Variants in DGKE observed in about 807,000 individuals in gnomAD.
The protein encoded by DGKE is diacylglycerol kinase epsilon.
Under a neutral mutation model 70.0 loss-of-function variants are expected in DGKE, and 53 were observed. The observed-to-expected ratio is 0.76, with a 90% CI of 0.61 to 0.95. The LOEUF is 0.95. DGKE is among the 40% of genes least tolerant of loss of function. The probability of loss-of-function intolerance (pLI) is 0.00; values close to 1 mark genes in which losing one functional copy is unlikely to be tolerated. For synonymous variants in DGKE, 291 were observed against 257.0 expected, an observed-to-expected ratio of 1.13 and a Z score of -1.27; for missense variants, 655 against 706.9, an observed-to-expected ratio of 0.93 and a Z score of 0.83.
chr17:56,840,043 A>G (rs1906872061), intron 2 of DGKE, among the ~76,000 whole-genome samples: 1 of 152,070 alleles, frequency 6.6e-6, no homozygotes, highest in Non-Finnish European at 1.5e-5. Context: ...GCATGCCTGT[A>G]ATCCCAGCTA....
At chr17:56,852,005 C>A (rs1382300542) in intron 7 of DGKE, among the ~76,000 whole-genome samples, 1 of 151,984 alleles carries the variant, frequency 6.6e-6, no homozygotes, top group Non-Finnish European at 1.5e-5. Context: ...GAGTTCAAGG[C>A]TGCGGTGAGC....
At chr17:56,860,172 CATT>C (rs1402370704) in intron 9 of DGKE, among the ~76,000 whole-genome samples, 2 of 151,980 alleles carry the variant, frequency 1.3e-5, no homozygotes, top group Non-Finnish European at 1.5e-5. Flanking sequence ...ACAAAATAGT[CATT>C]GTCCTCGATA....
At chr17:56,848,123 T>TAC in intron 5 of DGKE, 58 bp downstream of exon 5, 1 of 910,164 alleles carries the variant, frequency 1.1e-6, no homozygotes, top group Non-Finnish European at 1.4e-6. Flanking sequence ...ACTATACATA[T>TAC]ATATATATAT....
At chr17:56,835,411 A>G (rs916130603) in intron 2 of DGKE, 152 bp downstream of exon 2, 6 of 820,242 alleles carry the variant, frequency 7.3e-6, no homozygotes, top group Non-Finnish European at 1.1e-5. Context: ...AGTTTGTGCA[A>G]GCGTGGCAGC....
chr17:56,848,060 A>G lies in DGKE; in HGVS notation c.883A>G (p.Ile295Val), dbSNP rs773222196. The G allele has an allele frequency of 1.9e-6, 3 of 1,556,604 alleles. No individual in the cohort carries two copies. The highest frequency in any genetic ancestry group is 2.6e-6 in the Non-Finnish European group (3 of 1,152,560). The change falls in exon 5 of 12, where the codon ATT becomes GTT. Residue 295 changes from isoleucine to valine, a missense_variant. Coordinates refer to ENST00000284061, the MANE Select transcript of DGKE (RefSeq NM_003647.3). ...WVLDAVDDMK[I>V]KGQEKYIPQV... is the part of the protein sequence containing the mutation. ...CCTGGATGCAGTTGATGACATGAAGATTAAGGTATTAGTCTTTAAGAACTA... is the reference window on the plus strand; with the variant it reads ...CCTGGATGCAGTTGATGACATGAAGGTTAAGGTATTAGTCTTTAAGAACTA...
intron 2 of DGKE, 79 bp from the exon 3 acceptor site, chr17:56,843,940 A>G: frequency 7.4e-7 from 1 of 1,357,428 alleles, no homozygotes; most frequent in Non-Finnish European, 9.9e-7. Context: ...TTTATTTTTT[A>G]ACAAAAATGA....
intron 7 of DGKE, among the ~76,000 whole-genome samples, chr17:56,854,909 G>C (rs1321660655): frequency 6.6e-6 from 1 of 152,008 alleles, no homozygotes; most frequent in Non-Finnish European, 1.5e-5. Flanking sequence ...AATCAAGTAG[G>C]GTCTGCTTAC....
intron 7 of DGKE, among the ~76,000 whole-genome samples, chr17:56,850,435 G>T (rs769884743): frequency 6.6e-5 from 10 of 152,142 alleles, no homozygotes; most frequent in Admixed American, 1.3e-4. Flanking sequence ...GCCCAGCCAT[G>T]AACTACATCT....
In DGKE at chr17:56,865,898, C is replaced by T. The variant is rs1423558847; in HGVS notation, c.*3107C>T. On this transcript the variant is annotated 3_prime_UTR_variant, in exon 12 of 12. Transcript: ENST00000284061. ...TACTAATTTAATGATTAATGTGGAC[C>T]CAAATACATAATTTGGCCAAAAAAG... is the stretch of plus-strand genomic sequence containing the variant. The T allele has an allele frequency of 6.6e-6, 1 of 151,550 alleles. No homozygotes were observed. The highest frequency in any genetic ancestry group is 1.5e-5 in the Non-Finnish European group (1 of 67,902). The allele number at this position is 151,550 out of a possible 1,614,324, so 9.4% of individuals were successfully genotyped here.
At chr17:56,836,977 C>T (rs1450534504) in intron 2 of DGKE, among the ~76,000 whole-genome samples, 2 of 152,192 alleles carry the variant, frequency 1.3e-5, no homozygotes, top group Non-Finnish European at 2.9e-5. Flanking sequence ...CTTACCTGAT[C>T]TACTCAGCTT....
At position 56,862,650 on chromosome 17, in the gene DGKE, T is replaced by TG; in HGVS notation, c.1567dup (p.Glu523GlyfsTer30). ...GCTCCATGATGCCAATGCAGGTGGA[T>TG]GGGGAGCCTTGGGCCCAAGGGCCCT... is the stretch of plus-strand genomic sequence containing the variant. On this transcript the variant is annotated frameshift_variant, in exon 12 of 12. Transcript: ENST00000284061. LOFTEE classifies it high-confidence loss of function. 3 of 1,584,248 alleles carry TG rather than the reference T, an allele frequency of 1.9e-6. No individual in the cohort carries two copies. The highest frequency in any genetic ancestry group is 2.6e-6 in the Non-Finnish European group (3 of 1,171,118).
chr17:56,836,940 A>G (rs912252870), intron 2 of DGKE, among the ~76,000 whole-genome samples: 2 of 151,984 alleles, frequency 1.3e-5, no homozygotes, highest in African/African-American at 4.8e-5. Context: ...GACCCATCCC[A>G]TGTCCTTGTC....
chr17:56,849,315 G>A, intron 7 of DGKE, 83 bp downstream of exon 7: 2 of 1,266,172 alleles, frequency 1.6e-6, no homozygotes, highest in African/African-American at 1.5e-5. Context: ...ACAGAGACCT[G>A]GTGCTTATCT....
intron 5 of DGKE, 101 bp downstream of exon 5, chr17:56,848,166 GT>G (rs1907424422): frequency 2.5e-6 from 2 of 811,418 alleles, no homozygotes; most frequent in South Asian, 5.9e-5. Context: ...TGTTGTTGTT[GT>G]TTTTTCTTGA....
intron 4 of DGKE, among the ~76,000 whole-genome samples, chr17:56,847,077 TA>T (rs1423117384): frequency 1.3e-5 from 2 of 152,230 alleles, no homozygotes; most frequent in Non-Finnish European, 2.9e-5. Flanking sequence ...TGAATATTTT[TA>T]TACATATTTT....
At chr17:56,857,719 A>T (rs1908031633) in intron 8 of DGKE, among the ~76,000 whole-genome samples, 1 of 152,222 alleles carries the variant, frequency 6.6e-6, no homozygotes, top group Middle Eastern at 3.2e-3. Flanking sequence ...TTCTAATTCG[A>T]ATATTTTTCT....
At chr17:56,847,657 T>A (rs549787346) in intron 4 of DGKE, 1 of 181,610 alleles carries the variant, frequency 5.5e-6, no homozygotes, top group South Asian at 1.7e-4. Context: ...CTTAATTACC[T>A]GGACAATCAC....
chr17:56,849,837 A>G (rs72837379), intron 7 of DGKE, among the ~76,000 whole-genome samples: 22 of 152,348 alleles, frequency 1.4e-4, no homozygotes, highest in Non-Finnish European at 2.6e-4. Context: ...GGGCATATCA[A>G]TCTAAAAGTT....
intron 4 of DGKE, chr17:56,846,065 G>A: frequency 4.3e-6 from 1 of 234,706 alleles, no homozygotes. Flanking sequence ...TCCTCTACTA[G>A]GAATCTACCC....
Sources: allele counts gnomAD v4.1 joint callset (sites outside exome capture counted in the v4.1 genomes callset), GRCh38; gene constraint gnomAD v4.1.1; transcripts MANE v1.5; gene names NCBI Gene and HGNC (gene_info 2026-07-23, HGNC 2026-07-21).